Variants in AK5 observed in about 807,000 individuals in gnomAD.
The protein encoded by AK5 is adenylate kinase isoenzyme 5.
A neutral mutation model predicts 69.5 loss-of-function variants in AK5; 27 were observed. The observed-to-expected ratio is 0.39, with a 90% CI of 0.29 to 0.54. The LOEUF (loss-of-function observed/expected upper bound fraction) is 0.54, where lower values mean the gene tolerates loss of function less well. Among genes scored for constraint, AK5 ranks in the 20% least tolerant of loss-of-function variants. AK5 has a pLI of 0.71. For missense variants in AK5, 531 were observed against 700.4 expected (o/e 0.76, Z 2.73); for synonymous variants, 260 against 244.4 (o/e 1.06, Z -0.60).
chr1:77,365,004 C>G (rs60939723), intron 6 of AK5, among the ~76,000 whole-genome samples: 1 of 152,132 alleles, frequency 6.6e-6, no homozygotes, highest in Non-Finnish European at 1.5e-5. Flanking sequence ...TATGGCCTAC[C>G]CCTGTTTTTG....
At chr1:77,438,635 T>G (rs180939475) in intron 8 of AK5, among the ~76,000 whole-genome samples, 17 of 152,282 alleles carry the variant, frequency 1.1e-4, no homozygotes, top group African/African-American at 4.1e-4. Flanking sequence ...AAGATTCAAA[T>G]TATTTATAGA....
At chr1:77,411,360 A>T (rs1301795509) in intron 7 of AK5, among the ~76,000 whole-genome samples, 1 of 152,014 alleles carries the variant, frequency 6.6e-6, no homozygotes, top group Non-Finnish European at 1.5e-5. Flanking sequence ...ATCTAACCTA[A>T]CCCATACTTT....
intron 5 of AK5, among the ~76,000 whole-genome samples, chr1:77,339,163 A>G (rs1001083007): frequency 2.6e-5 from 4 of 152,272 alleles, no homozygotes; most frequent in African/African-American, 9.6e-5. Context: ...TAATACATGC[A>G]TATCATATGT....
intron 12 of AK5, among the ~76,000 whole-genome samples, chr1:77,531,652 CAT>C: frequency 6.6e-6 from 1 of 152,178 alleles, no homozygotes; most frequent in Admixed American, 6.5e-5. Context: ...CTTAGCTAGA[CAT>C]AAAGGTTCTC....
chr1:77,533,023 T>A (rs1658736471), intron 12 of AK5, among the ~76,000 whole-genome samples: 1 of 152,190 alleles, frequency 6.6e-6, no homozygotes, highest in African/African-American at 2.4e-5. Flanking sequence ...TTTCAAAAAA[T>A]TTTAGGTATT....
At chr1:77,516,916 C>T (rs1657678933) in intron 10 of AK5, among the ~76,000 whole-genome samples, 1 of 151,732 alleles carries the variant, frequency 6.6e-6, no homozygotes, top group South Asian at 2.1e-4. Flanking sequence ...TCAAAAAATA[C>T]AAAAATTAGC....
intron 10 of AK5, among the ~76,000 whole-genome samples, chr1:77,494,785 C>T (rs1477330990): frequency 1.4e-5 from 2 of 144,094 alleles, no homozygotes; most frequent in Non-Finnish European, 3.1e-5. Context: ...TATGCAGTAT[C>T]TTTTTTTTTT....
At chr1:77,490,088 T>TAATGAATTCTTTAAG (rs60208880) in intron 10 of AK5, among the ~76,000 whole-genome samples, 7,090 of 152,240 alleles carry the variant, frequency 0.047, 347 homozygotes, top group East Asian at 0.2. Flanking sequence ...TTTGTTGGAA[T>TAATGAATTCTTTAAG]AATGAATTCT....
rs1660345994 is a variant in AK5 at position 77,559,805 on chromosome 1, T to C, written c.*1135T>C. The stretch of plus-strand genomic sequence containing the variant: ...CTACTGGAATAACTGCATCTTCCAC[T>C]CAGTCACTACAAAAAAGCATAGTTT... On this transcript the variant is annotated 3_prime_UTR_variant, in exon 14 of 14. Transcript: ENST00000354567. 6.6e-6 allele frequency: 1 copy of C among 152,482 alleles called. No individual in the cohort carries two copies. Among genetic ancestry groups the C allele is most frequent in the Admixed American group, 6.5e-5 (1 of 15,280 alleles). The allele number at this position is 152,482 out of a possible 1,614,324, so 9.4% of individuals were successfully genotyped here. A position where few individuals can be genotyped will look rare whatever the true frequency, so the allele number is the denominator to read the frequency against.
intron 6 of AK5, among the ~76,000 whole-genome samples, chr1:77,388,694 T>C (rs1648196309): frequency 6.6e-6 from 1 of 151,934 alleles, no homozygotes; most frequent in African/African-American, 2.4e-5. Context: ...AGCCTGACAT[T>C]TAAGAAAACT....
At chr1:77,524,231 G>A (rs757309233) in intron 12 of AK5, among the ~76,000 whole-genome samples, 2 of 152,132 alleles carry the variant, frequency 1.3e-5, no homozygotes, top group African/African-American at 4.8e-5. Flanking sequence ...TGTGAATAAT[G>A]TTGCCATGAC....
At chr1:77,508,533 C>T (rs183733356) in intron 10 of AK5, among the ~76,000 whole-genome samples, 1 of 152,280 alleles carries the variant, frequency 6.6e-6, no homozygotes, top group East Asian at 1.9e-4. Context: ...GCCCACATTT[C>T]ATTGACCAAA....
intron 6 of AK5, among the ~76,000 whole-genome samples, chr1:77,401,167 T>C (rs1174622088): frequency 6.6e-6 from 1 of 152,206 alleles, no homozygotes; most frequent in Non-Finnish European, 1.5e-5. Context: ...CCATTGCTGA[T>C]AACTTCACTC....
intron 8 of AK5, among the ~76,000 whole-genome samples, chr1:77,476,736 TCA>T (rs1217564789): frequency 2.0e-5 from 3 of 152,194 alleles, no homozygotes; most frequent in Non-Finnish European, 4.4e-5. Flanking sequence ...TTTCTGAGCT[TCA>T]GTTTCCTCAT....
intron 7 of AK5, 30 bp from the exon 8 acceptor site, chr1:77,417,609 A>G (rs1178065987): frequency 7.1e-7 from 1 of 1,412,194 alleles, no homozygotes; most frequent in Admixed American, 1.7e-5. Flanking sequence ...GACAACCTCC[A>G]TCCACTTATC....
Position 77,324,318 on chromosome 1 carries a change from CGTGTGTGTGTGTGT to C in AK5, c.700-16036_700-16023del, listed in dbSNP as rs10547281. On this transcript the variant is annotated intron_variant, in intron 5 of 13. Coordinates refer to ENST00000354567, the MANE Select transcript of AK5 (RefSeq NM_174858.3). ...ATATTAAAAAAAAGTTCACCATTTG[CGTGTGTGTGTGTGT>C]GTGTGTGTGTGTGTGTGTGTGTCTT... Among the ~76,000 whole-genome samples, 529 of 148,798 alleles carry C rather than the reference CGTGTGTGTGTGTGT, an allele frequency of 3.6e-3. 7 individuals are homozygous for C. The highest frequency in any genetic ancestry group is 0.012 in the African/African-American group (496 of 40,310).
At chr1:77,372,917 T>G (rs1216709625) in intron 6 of AK5, among the ~76,000 whole-genome samples, 1 of 152,184 alleles carries the variant, frequency 6.6e-6, no homozygotes, top group African/African-American at 2.4e-5. Context: ...CGCCTTGTAT[T>G]CTATTATAGG....
chr1:77,556,279 A>G (rs941616629), intron 13 of AK5, among the ~76,000 whole-genome samples: 1 of 152,280 alleles, frequency 6.6e-6, no homozygotes, highest in East Asian at 1.9e-4. Context: ...GAAGTAACTC[A>G]TGTCCTGGAT....
intron 6 of AK5, among the ~76,000 whole-genome samples, chr1:77,406,543 C>G (rs750188629): frequency 5.9e-5 from 9 of 152,052 alleles, no homozygotes; most frequent in Non-Finnish European, 1.3e-4. Flanking sequence ...TTCCCCCTTG[C>G]TTTTAGACAG....
Sources: allele counts gnomAD v4.1 joint callset (sites outside exome capture counted in the v4.1 genomes callset), GRCh38; gene constraint gnomAD v4.1.1; transcripts MANE v1.5; gene names NCBI Gene and HGNC (gene_info 2026-07-23, HGNC 2026-07-21).